RFX3: variants seen among roughly 807,000 people sequenced by gnomAD.
RFX3 encodes the protein regulatory factor X3.
Under a neutral mutation model 98.6 loss-of-function variants are expected in RFX3, and 14 were observed. The observed-to-expected ratio is 0.14, with a 90% confidence interval of 0.09 to 0.22. The LOEUF (loss-of-function observed/expected upper bound fraction) is 0.22. RFX3 is among the 10% of genes least tolerant of loss of function. The pLI is 1.00. For synonymous variants in RFX3, 383 were observed against 328.4 expected, an observed-to-expected ratio of 1.17 and a Z score of -1.80; for missense variants, 639 against 926.9, an observed-to-expected ratio of 0.69 and a Z score of 4.03.
In RFX3 at chr9:3,505,418, TA is replaced by T. The variant is rs370966881; in HGVS notation, c.-9+20328del. Among the ~76,000 whole-genome samples, 45 of 23,654 alleles carry T rather than the reference TA, an allele frequency of 1.9e-3. 4 individuals are homozygous for T. The highest frequency in any genetic ancestry group is 3.5e-3 in the African/African-American group (25 of 7,168). 15.5% of individuals were successfully genotyped at this position (23,654 alleles called of 152,430 possible). On this transcript the variant is annotated intron_variant, in intron 1 of 16. Coordinates refer to ENST00000617270, the MANE Select transcript of RFX3 (RefSeq NM_001282116.2). ...TAAAATAAAATACTTTATATTTATA[TA>T]AAATATAAAATAAAATATTTTATAT... is the stretch of plus-strand genomic sequence containing the variant.
intron 8 of RFX3, among the ~76,000 whole-genome samples, chr9:3,276,030 A>G (rs150706903): frequency 4.2e-4 from 64 of 152,266 alleles, no homozygotes; most frequent in Admixed American, 2.1e-3. Flanking sequence ...TCATAAACCT[A>G]AAGAGCTACA....
chr9:3,369,884 C>T (rs7038591), intron 2 of RFX3, among the ~76,000 whole-genome samples: 5,555 of 151,990 alleles, frequency 0.037, 369 homozygotes, highest in African/African-American at 0.13. Flanking sequence ...GGCTGGAGTG[C>T]GGTGGCGCCA....
chr9:3,247,656 C>A, intron 15 of RFX3: 1 of 1,412,584 alleles, frequency 7.1e-7, no homozygotes, highest in Non-Finnish European at 9.2e-7. Flanking sequence ...AAAGAGTCTA[C>A]AAAATACATA....
At chr9:3,281,591 G>T (rs991783627) in intron 7 of RFX3, among the ~76,000 whole-genome samples, 4 of 151,674 alleles carry the variant, frequency 2.6e-5, no homozygotes, top group Admixed American at 1.3e-4. Context: ...TTAGTAAGAG[G>T]CAAATGATAA....
At chr9:3,235,866 A>T (rs1819081924) in intron 15 of RFX3, among the ~76,000 whole-genome samples, 2 of 152,124 alleles carry the variant, frequency 1.3e-5, no homozygotes, top group Admixed American at 6.5e-5. Flanking sequence ...CCAATTAGCA[A>T]CCTTAGTTCC....
intron 14 of RFX3, among the ~76,000 whole-genome samples, chr9:3,253,363 G>A (rs1821682529): frequency 6.6e-6 from 1 of 152,116 alleles, no homozygotes; most frequent in Non-Finnish European, 1.5e-5. Context: ...TCCAGTTGTA[G>A]GCAAACTAGG....
intron 15 of RFX3, among the ~76,000 whole-genome samples, chr9:3,239,184 A>T (rs1586692528): frequency 6.6e-6 from 1 of 152,216 alleles, no homozygotes; most frequent in Non-Finnish European, 1.5e-5. Flanking sequence ...TTCTGCATTT[A>T]GCACTGATAC....
intron 2 of RFX3, among the ~76,000 whole-genome samples, chr9:3,393,740 G>C (rs990668164): frequency 3.9e-5 from 6 of 151,954 alleles, no homozygotes. Context: ...TATATAAAAA[G>C]ATAAAAACAT....
At chr9:3,242,530 T>C (rs991305762) in intron 15 of RFX3, among the ~76,000 whole-genome samples, 5 of 152,188 alleles carry the variant, frequency 3.3e-5, no homozygotes, top group African/African-American at 1.2e-4. Flanking sequence ...ACTAGCACAA[T>C]GCTTGCTAAA....
rs1262578387 is a variant in RFX3, at chr9:3,344,831, T to C, written c.215+1836A>G. Reference sequence around the variant, plus strand: ...CATTTGGTATAAATGCCAACAGTAGTTTAAGTTTATGGTGAAGATTCCAAA... The same window carrying C: ...CATTTGGTATAAATGCCAACAGTAGCTTAAGTTTATGGTGAAGATTCCAAA... On this transcript the variant is annotated intron_variant, in intron 3 of 16. Coordinates refer to ENST00000617270, the MANE Select transcript of RFX3 (RefSeq NM_001282116.2). 4.2e-6 allele frequency: 3 copies of C among 714,972 alleles called. No individual in the cohort carries two copies. In the Admixed American group the frequency reaches 6.1e-5, roughly 14 times the overall value. The allele number at this position is 714,972 out of a possible 1,614,324, so 44.3% of individuals were successfully genotyped here.
chr9:3,423,807 A>ATC lies in RFX3; in HGVS notation c.-8-28212_-8-28211insGA. Among the ~76,000 whole-genome samples, 3 of 142,474 alleles carry ATC rather than the reference A, an allele frequency of 2.1e-5. No homozygotes were observed. The South Asian group carries it at 6.5e-4, about 31-fold the overall frequency. The allele number at this position is 142,474 out of a possible 152,430, so 93.5% of individuals were successfully genotyped here. ...TATATATATATATATATATATATAT[A>ATC]TATATCTTAAGGTAATTTTTAAAAA... On this transcript the variant is annotated intron_variant, in intron 1 of 16. Transcript: ENST00000617270.
At chr9:3,484,195 G>C (rs553596564) in intron 1 of RFX3, among the ~76,000 whole-genome samples, 1 of 152,272 alleles carries the variant, frequency 6.6e-6, no homozygotes, top group Non-Finnish European at 1.5e-5. Flanking sequence ...CAAACCCTTT[G>C]AATTTCAGAA....
intron 1 of RFX3, among the ~76,000 whole-genome samples, chr9:3,437,634 G>A (rs1487785506): frequency 6.6e-6 from 1 of 152,012 alleles, no homozygotes; most frequent in South Asian, 2.1e-4. Flanking sequence ...AGGCCTCTCA[G>A]GAGTTCATAC....
intron 7 of RFX3, among the ~76,000 whole-genome samples, chr9:3,278,282 G>A (rs1825493834): frequency 6.6e-6 from 1 of 151,718 alleles, no homozygotes; most frequent in Admixed American, 6.6e-5. Context: ...AACAAAATAA[G>A]TAAGCAGCAA....
At chr9:3,295,012 T>C (rs1198683317) in intron 5 of RFX3, among the ~76,000 whole-genome samples, 1 of 152,138 alleles carries the variant, frequency 6.6e-6, no homozygotes, top group Non-Finnish European at 1.5e-5. Context: ...TTATGAATCA[T>C]CTATAACTTG....
chr9:3,382,241 G>C (rs934303738), intron 2 of RFX3, among the ~76,000 whole-genome samples: 8 of 152,100 alleles, frequency 5.3e-5, no homozygotes, highest in African/African-American at 1.9e-4. Flanking sequence ...GTACTTTAAA[G>C]AAATAAAATA....
chr9:3,317,718 A>G (rs1195593258), intron 4 of RFX3, among the ~76,000 whole-genome samples: 1 of 152,234 alleles, frequency 6.6e-6, no homozygotes, highest in East Asian at 1.9e-4. Context: ...AAGGATATGA[A>G]CAGACACTTC....
At chr9:3,331,599 A>C (rs1832611175) in intron 3 of RFX3, among the ~76,000 whole-genome samples, 1 of 152,004 alleles carries the variant, frequency 6.6e-6, no homozygotes, top group South Asian at 2.1e-4. Flanking sequence ...GGATGTCTTA[A>C]CCTTTTTTGT....
chr9:3,458,407 C>T (rs1171763689), intron 1 of RFX3, among the ~76,000 whole-genome samples: 1 of 152,120 alleles, frequency 6.6e-6, no homozygotes, highest in Non-Finnish European at 1.5e-5. Context: ...AATACAGGCA[C>T]ATCCAGTATT....
Sources: allele counts gnomAD v4.1 joint callset (sites outside exome capture counted in the v4.1 genomes callset), GRCh38; gene constraint gnomAD v4.1.1; transcripts MANE v1.5; gene names NCBI Gene and HGNC (gene_info 2026-07-23, HGNC 2026-07-21).